The following PPP3CC variants were observed in gnomAD, a reference collection of about 807,000 sequenced individuals.
PPP3CC encodes protein phosphatase 3 catalytic subunit gamma.
A neutral mutation model predicts 60.3 loss-of-function variants in PPP3CC; 35 were observed. That is an observed-to-expected ratio of 0.58 (90% CI 0.44 to 0.77). The LOEUF (loss-of-function observed/expected upper bound fraction) is 0.77. Among genes scored for constraint, PPP3CC ranks in the 30% least tolerant of loss-of-function variants. PPP3CC has a pLI of 0.00. For missense variants in PPP3CC, 570 were observed against 628.9 expected (o/e 0.91, Z 1.00); for synonymous variants, 206 against 224.3 (o/e 0.92, Z 0.73).
chr8:22,442,311 C>T (rs1836696749), intron 1 of PPP3CC, among the ~76,000 whole-genome samples: 1 of 152,194 alleles, frequency 6.6e-6, no homozygotes, highest in Non-Finnish European at 1.5e-5. Flanking sequence ...AGGGAATAGA[C>T]TTAGACCAGC....
chr8:22,467,237 T>C (rs536829493), intron 1 of PPP3CC, among the ~76,000 whole-genome samples: 1 of 152,336 alleles, frequency 6.6e-6, no homozygotes, highest in African/African-American at 2.4e-5. Context: ...TATGTACTTA[T>C]GCATTGAGAT....
At chr8:22,443,085 A>G (rs1357957810) in intron 1 of PPP3CC, among the ~76,000 whole-genome samples, 1 of 152,226 alleles carries the variant, frequency 6.6e-6, no homozygotes, top group Non-Finnish European at 1.5e-5. Context: ...GCCCTCAGGA[A>G]TCTCACAATC....
chr8:22,498,172 T>G, intron 4 of PPP3CC, 60 bp downstream of exon 4: 1 of 1,086,694 alleles, frequency 9.2e-7, no homozygotes, highest in Non-Finnish European at 1.3e-6. Flanking sequence ...CCGAAGTAAA[T>G]CAAACAGAAA....
intron 9 of PPP3CC, among the ~76,000 whole-genome samples, chr8:22,527,912 G>C (rs1053040347): frequency 1.3e-5 from 2 of 152,158 alleles, no homozygotes; most frequent in African/African-American, 4.8e-5. Flanking sequence ...TGGGATTACA[G>C]GTGTGAGCCA....
chr8:22,471,562 G>C (rs1837722522), intron 1 of PPP3CC, among the ~76,000 whole-genome samples: 1 of 152,168 alleles, frequency 6.6e-6, no homozygotes, highest in Admixed American at 6.5e-5. Flanking sequence ...ACTGGATACT[G>C]TAGGCAGTTA....
In PPP3CC at chr8:22,513,415, G is replaced by A; in HGVS notation, c.753G>A (p.Gly251=). The A allele has an allele frequency of 6.2e-7, 1 of 1,605,754 alleles. No individual in the cohort carries two copies. Among genetic ancestry groups the A allele is most frequent in the Non-Finnish European group, 8.5e-7 (1 of 1,177,378 alleles). The change falls in exon 6 of 14, where the codon GGG becomes GGA. Residue 251 remains glycine, a synonymous_variant. Transcript: ENST00000240139. ...LEHYTHNTVR[G]CSYFYSYPAV... is the part of the protein sequence containing the mutation. ...ACTATACCCACAACACTGTCCGAGGGTGCTCTTATTTCTACAGGTAAGCTA... is the reference window on the plus strand; with the variant it reads ...ACTATACCCACAACACTGTCCGAGGATGCTCTTATTTCTACAGGTAAGCTA...
chr8:22,456,829 G>T (rs554983451), intron 1 of PPP3CC, among the ~76,000 whole-genome samples: 1 of 152,238 alleles, frequency 6.6e-6, no homozygotes, highest in South Asian at 2.1e-4. Flanking sequence ...TTTGATTAAG[G>T]TTTTTGCTTC....
At chr8:22,500,087 A>G (rs1455917076) in intron 4 of PPP3CC, among the ~76,000 whole-genome samples, 1 of 152,220 alleles carries the variant, frequency 6.6e-6, no homozygotes, top group East Asian at 1.9e-4. Context: ...CACACTCTTG[A>G]AAAAGAATTT....
Position 22,528,547 on chromosome 8 carries a change from G to T in PPP3CC, c.1111G>T (p.Asp371Tyr). Residue 371 changes from aspartate to tyrosine, a missense_variant, in exon 10 of 14, where the codon GAC (aspartate) becomes TAC (tyrosine). Asp to Tyr is a radical substitution (Grantham distance 160). Transcript: ENST00000240139. ...LVNVLNICSD[D>Y]ELISDDEAEG... ...AAATGTGCTCAACATATGCTCTGATGACGAACTGATTTCTGATGATGAAGC... is the reference window on the plus strand; with the variant it reads ...AAATGTGCTCAACATATGCTCTGATTACGAACTGATTTCTGATGATGAAGC... The T allele has an allele frequency of 6.4e-7, 1 of 1,564,964 alleles. No individual in the cohort carries two copies. Among genetic ancestry groups the T allele is most frequent in the South Asian group, 1.3e-5 (1 of 79,842 alleles).
intron 1 of PPP3CC, among the ~76,000 whole-genome samples, chr8:22,459,699 A>G (rs1837311502): frequency 6.6e-6 from 1 of 152,108 alleles, no homozygotes; most frequent in Admixed American, 6.6e-5. Context: ...ATTTAATGCT[A>G]TTGTCTGAAT....
chr8:22,448,985 C>G (rs1409243861), intron 1 of PPP3CC, among the ~76,000 whole-genome samples: 1 of 152,164 alleles, frequency 6.6e-6, no homozygotes, highest in Non-Finnish European at 1.5e-5. Context: ...TGGCTCTCGC[C>G]TATAGTCCCA....
Position 22,441,413 on chromosome 8 carries a change from T to C in PPP3CC, c.4T>C (p.Ser2Pro). MSGRRFHLSTTD... is the reference protein window; with the variant it reads MPGRRFHLSTTD... ...CCTGGAGGAGGCCGAGGGGACCATG[T>C]CCGGGAGGCGCTTCCACCTCTCCAC... The change falls in exon 1 of 14, where the codon TCC (serine) becomes CCC (proline). Residue 2 changes from serine (S) to proline (P), a missense_variant. Coordinates refer to ENST00000240139, the MANE Select transcript of PPP3CC (RefSeq NM_005605.5). 3 of 1,543,476 alleles carry C rather than the reference T, an allele frequency of 1.9e-6. No individual in the cohort carries two copies. The highest frequency in any genetic ancestry group is 8.7e-7 in the Non-Finnish European group (1 of 1,144,986).
chr8:22,453,456 A>G (rs1289478380), intron 1 of PPP3CC, among the ~76,000 whole-genome samples: 2 of 152,302 alleles, frequency 1.3e-5, no homozygotes, highest in East Asian at 1.9e-4. Context: ...GTGAGAGCTT[A>G]GTTCCAGGAC....
intron 4 of PPP3CC, 137 bp downstream of exon 4, chr8:22,498,249 C>T (rs1838648697): frequency 2.0e-6 from 1 of 512,134 alleles, no homozygotes; most frequent in Admixed American, 3.7e-5. Flanking sequence ...CTGCAAAGAA[C>T]TAAGATTCTA....
chr8:22,455,055 C>CAAAAAAA (rs5890035), intron 1 of PPP3CC, among the ~76,000 whole-genome samples: 6 of 91,322 alleles, frequency 6.6e-5, no homozygotes, highest in East Asian at 2.9e-4. Flanking sequence ...GACTCCATCT[C>CAAAAAAA]AAAAAAAAAA....
chr8:22,472,363 AACACACACACACACACACAC>A (rs71546810), intron 1 of PPP3CC, among the ~76,000 whole-genome samples: 5 of 125,716 alleles, frequency 4.0e-5, no homozygotes, highest in Admixed American at 2.5e-4. Flanking sequence ...GGTAAAAATG[AACACACACACACACACACAC>A]ACACACACAC....
intron 3 of PPP3CC, among the ~76,000 whole-genome samples, chr8:22,494,599 C>G (rs540495837): frequency 6.6e-6 from 1 of 152,240 alleles, no homozygotes; most frequent in South Asian, 2.1e-4. Context: ...ATGCCTATGT[C>G]TCCTTGCTAA....
chr8:22,540,035 C>T (rs1384253), intron 13 of PPP3CC, among the ~76,000 whole-genome samples: 148,149 of 152,374 alleles, frequency 0.97, 72,063 homozygotes, highest in East Asian at 1. Context: ...TGGTTCAAAA[C>T]GCGAATGCCT....
At chr8:22,510,016 C>G (rs1196496793) in intron 4 of PPP3CC, among the ~76,000 whole-genome samples, 3 of 151,772 alleles carry the variant, frequency 2.0e-5, no homozygotes, top group Non-Finnish European at 4.4e-5. Flanking sequence ...AAACCCCGTC[C>G]CTACTAAAAA....
Sources: gnomAD v4.1 joint callset for allele counts (sites outside exome capture counted in the v4.1 genomes callset) on GRCh38, gnomAD v4.1.1 for gene constraint, MANE v1.5 for transcripts, NCBI Gene and HGNC (gene_info 2026-07-23, HGNC 2026-07-21) for gene names.